PRIM2: variants seen among roughly 807,000 people sequenced by gnomAD.
PRIM2 encodes DNA primase large subunit.
PRIM2 carries 39 observed loss-of-function variants against 67.3 expected under a neutral mutation model. That is an observed-to-expected ratio of 0.58 (90% CI 0.45 to 0.76). PRIM2 has a LOEUF of 0.76. Among genes scored for constraint, PRIM2 ranks in the 30% least tolerant of loss-of-function variants. PRIM2 has a pLI of 0.00. For missense variants in PRIM2, 398 were observed against 598.7 expected, an observed-to-expected ratio of 0.66 and a Z score of 3.50; for synonymous variants, 143 against 198.7, an observed-to-expected ratio of 0.72 and a Z score of 2.36.
chr6:57,265,691 A>T, the PRIM2 span, among the ~76,000 whole-genome samples: 3 of 152,160 alleles, frequency 2.0e-5, no homozygotes, highest in East Asian at 1.9e-4. Context: ...ATTAAACAGA[A>T]TTTTTTTATA....
intron 5 of PRIM2, among the ~76,000 whole-genome samples, chr6:57,350,398 TG>T (rs1768822451): frequency 3.3e-5 from 5 of 152,240 alleles, no homozygotes; most frequent in Admixed American, 2.6e-4. Context: ...ATTTTGATGA[TG>T]TTAGTGTAAA....
chr6:57,403,418 G>A (rs1195792046), intron 7 of PRIM2, among the ~76,000 whole-genome samples: 9 of 151,434 alleles, frequency 5.9e-5, no homozygotes, highest in Non-Finnish European at 8.8e-5. Context: ...CATCACACCC[G>A]GCTAATTTTT....
At chr6:57,336,517 C>T (rs1047331915) in intron 5 of PRIM2, among the ~76,000 whole-genome samples, 9 of 152,172 alleles carry the variant, frequency 5.9e-5, no homozygotes, top group African/African-American at 2.2e-4. Context: ...TCTCTCGGCA[C>T]AAACTCTCCA....
the PRIM2 span, among the ~76,000 whole-genome samples, chr6:57,223,604 C>T: frequency 6.6e-6 from 1 of 152,000 alleles, no homozygotes; most frequent in Non-Finnish European, 1.5e-5. Flanking sequence ...ACTTGAGTAA[C>T]GTACTGATGC....
intron 5 of PRIM2, among the ~76,000 whole-genome samples, chr6:57,365,332 T>C (rs1769321817): frequency 6.6e-6 from 1 of 151,232 alleles, no homozygotes; most frequent in Non-Finnish European, 1.5e-5. Flanking sequence ...TTTCCCTCCA[T>C]CTCTGTCACA....
chr6:57,231,708 C>T, the PRIM2 span, among the ~76,000 whole-genome samples: 5 of 152,144 alleles, frequency 3.3e-5, no homozygotes, highest in South Asian at 2.1e-4. Context: ...TTTGTTGGAA[C>T]GTAAATGGAA....
chr6:57,304,689 G>A, the PRIM2 span, among the ~76,000 whole-genome samples: 4 of 152,118 alleles, frequency 2.6e-5, no homozygotes, highest in Non-Finnish European at 4.4e-5. Context: ...ATTTGATCTG[G>A]GGCTGTTCCC....
intron 7 of PRIM2, among the ~76,000 whole-genome samples, chr6:57,482,087 G>A (rs1283613183): frequency 3.9e-5 from 6 of 151,964 alleles, no homozygotes; most frequent in African/African-American, 1.2e-4. Context: ...GAAAGAAAAA[G>A]TAAGATGAAA....
intron 7 of PRIM2, among the ~76,000 whole-genome samples, chr6:57,397,117 C>G (rs919355425): frequency 1.3e-5 from 2 of 152,116 alleles, no homozygotes; most frequent in African/African-American, 4.8e-5. Flanking sequence ...TTCATCCTAA[C>G]TTTGGATAAC....
In PRIM2 at chr6:57,481,212, A is replaced by G. The variant is rs1305263306; in HGVS notation, c.694-26175A>G. ...GCCATCCCTGCAAGAAAGATACAGA[A>G]CTATTTAATCATTACAAAGATTTTC... On this transcript the variant is annotated intron_variant, in intron 7 of 13. Coordinates refer to ENST00000615550, the MANE Select transcript of PRIM2 (RefSeq NM_000947.5). Among the ~76,000 whole-genome samples, 442 of 152,282 alleles carry G rather than the reference A, an allele frequency of 2.9e-3. 2 individuals carry two copies. Among genetic ancestry groups the G allele is most frequent in the African/African-American group, 0.01 (425 of 41,548 alleles).
At chr6:57,326,334 G>A (rs1448463385) in intron 5 of PRIM2, 9 of 237,470 alleles carry the variant, frequency 3.8e-5, no homozygotes, top group Middle Eastern at 1.3e-3. Context: ...AAATTTTGTC[G>A]GCCAAAATAA....
chr6:57,420,017 G>A (rs1771411832), intron 7 of PRIM2, among the ~76,000 whole-genome samples: 1 of 152,312 alleles, frequency 6.6e-6, no homozygotes, highest in South Asian at 2.1e-4. Flanking sequence ...AGTGGTGGAT[G>A]TGAGCAGAGA....
chr6:57,508,817 G>A (rs1774300724), intron 8 of PRIM2, among the ~76,000 whole-genome samples: 1 of 152,052 alleles, frequency 6.6e-6, no homozygotes, highest in Non-Finnish European at 1.5e-5. Flanking sequence ...CTTATTGATA[G>A]CATCTCCTGA....
intron 8 of PRIM2, among the ~76,000 whole-genome samples, chr6:57,508,583 T>C (rs1400317787): frequency 1.2e-4 from 19 of 152,206 alleles, no homozygotes; most frequent in African/African-American, 4.6e-4. Context: ...TTTTAAAGAT[T>C]TAAGTGTATA....
chr6:57,570,556 A>G (rs1423891297), intron 10 of PRIM2, among the ~76,000 whole-genome samples: 8 of 152,200 alleles, frequency 5.3e-5, no homozygotes, highest in Non-Finnish European at 1.0e-4. Flanking sequence ...TGTGTTGTCA[A>G]ATAGGAAATG....
chr6:57,363,454 A>G, intron 5 of PRIM2, among the ~76,000 whole-genome samples: 1 of 152,182 alleles, frequency 6.6e-6, no homozygotes, highest in East Asian at 1.9e-4. Flanking sequence ...ATTACTATAT[A>G]CTATACCTTT....
chr6:57,334,347 T>C (rs1372643685), intron 5 of PRIM2, among the ~76,000 whole-genome samples: 1 of 152,220 alleles, frequency 6.6e-6, no homozygotes, highest in African/African-American at 2.4e-5. Context: ...ATCTTGGCTA[T>C]TGTGAATAGT....
At chr6:57,354,160 T>G (rs1278300183) in intron 5 of PRIM2, among the ~76,000 whole-genome samples, 2 of 152,216 alleles carry the variant, frequency 1.3e-5, no homozygotes, top group African/African-American at 2.4e-5. Flanking sequence ...TTAGCAGTAC[T>G]GAATGGCAAA....
At chr6:57,271,236 C>T in the PRIM2 span, among the ~76,000 whole-genome samples, 2 of 152,126 alleles carry the variant, frequency 1.3e-5, no homozygotes, top group Non-Finnish European at 2.9e-5. Context: ...AGGTAGAATT[C>T]GGCTGTGAAT....
Sources: allele counts gnomAD v4.1 joint callset (sites outside exome capture counted in the v4.1 genomes callset), GRCh38; gene constraint gnomAD v4.1.1; transcripts MANE v1.5; gene names NCBI Gene and HGNC (gene_info 2026-07-23, HGNC 2026-07-21).